WNT5A: variants seen among roughly 807,000 people sequenced by gnomAD.
WNT5A encodes protein Wnt-5a.
Under a neutral mutation model 42.1 loss-of-function variants are expected in WNT5A, and 9 were observed. The observed-to-expected ratio is 0.21, with a 90% CI of 0.13 to 0.37. The LOEUF (loss-of-function observed/expected upper bound fraction) is 0.37, where lower values mean the gene tolerates loss of function less well. Ranked by LOEUF, WNT5A falls within the 10% of genes least tolerant of loss-of-function variation. The pLI, the probability that WNT5A is intolerant of heterozygous loss-of-function variation, is 1.00. For missense variants in WNT5A, 426 were observed against 534.0 expected (o/e 0.80, Z 1.99); for synonymous variants, 210 against 210.0 (o/e 1.00, Z 0.00).
In WNT5A at chr3:55,486,334, C is replaced by T. The variant is rs562087883; in HGVS notation, c.6+646G>A. Among the ~76,000 whole-genome samples, 73 of 152,286 alleles carry T rather than the reference C, an allele frequency of 4.8e-4. 1 individual carries two copies. The South Asian group carries it at 0.015, about 31-fold the overall frequency. On this transcript the variant is annotated intron_variant, in intron 1 of 4. Coordinates refer to ENST00000264634, the MANE Select transcript of WNT5A (RefSeq NM_003392.7). ...GTGGCGGCTAATAATGCTAATAACG[C>T]GACCCCGCTCCCCGCGCCGGGGTGC...
At chr3:55,499,670 G>T in the WNT5A span, among the ~76,000 whole-genome samples, 3 of 152,110 alleles carry the variant, frequency 2.0e-5, no homozygotes, top group Non-Finnish European at 4.4e-5. Context: ...GATGCCCTAT[G>T]CCCATTAGAA....
the WNT5A span, among the ~76,000 whole-genome samples, chr3:55,495,595 C>T: frequency 6.6e-6 from 1 of 152,110 alleles, no homozygotes; most frequent in Non-Finnish European, 1.5e-5. Flanking sequence ...TTGATGAACA[C>T]TTAAGTTGAT....
chr3:55,498,483 C>G, the WNT5A span, among the ~76,000 whole-genome samples: 2 of 152,036 alleles, frequency 1.3e-5, no homozygotes, highest in Non-Finnish European at 2.9e-5. Context: ...GTGGGAGACA[C>G]GAGGCATAGA....
the WNT5A span, among the ~76,000 whole-genome samples, chr3:55,504,656 G>A: frequency 6.6e-6 from 1 of 152,094 alleles, no homozygotes; most frequent in African/African-American, 2.4e-5. Flanking sequence ...TAGAGACGGG[G>A]TTTCTCCATG....
chr3:55,501,945 G>A, the WNT5A span, among the ~76,000 whole-genome samples: 251 of 152,296 alleles, frequency 1.6e-3, 1 homozygote, highest in African/African-American at 5.7e-3. Context: ...TTGGGGCAAG[G>A]TGAGGTTTTG....
intron 4 of WNT5A, among the ~76,000 whole-genome samples, chr3:55,472,195 A>C (rs1575396140): frequency 2.0e-5 from 3 of 151,988 alleles, no homozygotes; most frequent in Admixed American, 2.0e-4. Context: ...CCCCAAAAAA[A>C]CTCGCTACTA....
At chr3:55,472,055 AT>A (rs2051261664) in intron 4 of WNT5A, among the ~76,000 whole-genome samples, 1 of 152,146 alleles carries the variant, frequency 6.6e-6, no homozygotes, top group Non-Finnish European at 1.5e-5. Context: ...AAATTCTAAT[AT>A]GATTTTCTGG....
At chr3:55,484,407 G>C (rs1474776801) in intron 1 of WNT5A, among the ~76,000 whole-genome samples, 1 of 152,184 alleles carries the variant, frequency 6.6e-6, no homozygotes, top group Non-Finnish European at 1.5e-5. Context: ...TACTCCCTAA[G>C]CCTCACGCCT....
chr3:55,501,590 A>C, the WNT5A span: 1 of 152,196 alleles, frequency 6.6e-6, no homozygotes, highest in Non-Finnish European at 1.5e-5. Context: ...CTGGAATCCA[A>C]TTACTCACCT....
chr3:55,493,664 C>T (rs2051685771), upstream of WNT5A, among the ~76,000 whole-genome samples: 1 of 152,228 alleles, frequency 6.6e-6, no homozygotes, highest in African/African-American at 2.4e-5. Flanking sequence ...AATGATCTTA[C>T]CTGTGGCCAT....
At chr3:55,472,306 C>T (rs1240616918) in intron 4 of WNT5A, among the ~76,000 whole-genome samples, 1 of 152,182 alleles carries the variant, frequency 6.6e-6, no homozygotes, top group Non-Finnish European at 1.5e-5. Context: ...GTTGCCAAGC[C>T]TCTGATGATT....
rs550598019 is a variant in WNT5A at position 55,468,826 on chromosome 3, T to C, written c.*1266A>G. On this transcript the variant is annotated 3_prime_UTR_variant, in exon 5 of 5. Coordinates refer to ENST00000264634, the MANE Select transcript of WNT5A (RefSeq NM_003392.7). ...TCTAAACACAGGATCATAACAGTGA[T>C]ACGCTGCAACACCTCTGTGAATTCC... The C allele has an allele frequency of 5.2e-5, 8 of 152,658 alleles. No individual in the cohort carries two copies. Among genetic ancestry groups the C allele is most frequent in the Admixed American group, 1.3e-4 (2 of 15,302 alleles). 9.5% of individuals were successfully genotyped at this position (152,658 alleles called of 1,614,324 possible).
intron 1 of WNT5A, among the ~76,000 whole-genome samples, chr3:55,481,898 C>T (rs1284742395): frequency 1.3e-5 from 2 of 152,210 alleles, no homozygotes; most frequent in African/African-American, 4.8e-5. Flanking sequence ...TTTCACTCTC[C>T]CTCCCACCCC....
the WNT5A span, among the ~76,000 whole-genome samples, chr3:55,499,605 G>T: frequency 6.6e-6 from 1 of 152,108 alleles, no homozygotes; most frequent in Non-Finnish European, 1.5e-5. Flanking sequence ...ATCCATTAGC[G>T]GTTGACTTTA....
intron 1 of WNT5A, among the ~76,000 whole-genome samples, chr3:55,482,004 C>T (rs73075444): frequency 1.3e-5 from 2 of 152,366 alleles, no homozygotes; most frequent in Non-Finnish European, 2.9e-5. Flanking sequence ...ACTTTGCCAT[C>T]GCGGCACTGC....
rs374082538 is a variant in WNT5A, at chr3:55,480,817, G to A, written c.108C>T (p.Phe36=). The A allele has an allele frequency of 8.9e-6, 14 of 1,574,978 alleles. No individual in the cohort carries two copies. The highest frequency in any genetic ancestry group is 5.4e-5 in the African/African-American group (4 of 73,984). The change falls in exon 2 of 5, where the codon TTC becomes TTT. Residue 36 remains phenylalanine, a synonymous_variant. Coordinates refer to ENST00000264634, the MANE Select transcript of WNT5A (RefSeq NM_003392.7). ...AATTGGCTTCAATTACAACCTGGGC[G>A]AAGGAGAAAAATATGGCCAAAGCCA... The part of the protein sequence containing the change: ...FLVALAIFFS[F]AQVVIEANSW...
At chr3:55,490,832 C>T (rs2051650496), upstream of WNT5A, among the ~76,000 whole-genome samples, 1 of 152,192 alleles carries the variant, frequency 6.6e-6, no homozygotes, top group African/African-American at 2.4e-5. Context: ...GGGTATTTCC[C>T]CAGACCTCAC....
At chr3:55,504,248 G>A in the WNT5A span, among the ~76,000 whole-genome samples, 1 of 151,876 alleles carries the variant, frequency 6.6e-6, no homozygotes, top group African/African-American at 2.4e-5. Context: ...CAGCCTGAGC[G>A]ACAGGGTGAG....
Position 55,470,460 on chromosome 3 carries a change from A to G in WNT5A, c.775T>C (p.Phe259Leu), listed in dbSNP as rs1269552696. 6.2e-7 allele frequency: 1 copy of G among 1,610,242 alleles called. No individual in the cohort carries two copies. The highest frequency in any genetic ancestry group is 1.1e-5 in the South Asian group (1 of 90,296). ...LKTCWLQLAD[F>L]RKVGDALKEK... Reference sequence around the variant, plus strand: ...TTCAGGGCATCACCCACCTTGCGGAAGTCTGCCAGCTGCAGCCAGCATGTC... The same window carrying G: ...TTCAGGGCATCACCCACCTTGCGGAGGTCTGCCAGCTGCAGCCAGCATGTC... The change falls in exon 5 of 5, where the codon TTC becomes CTC. Residue 259 changes from phenylalanine (F) to leucine (L), a missense_variant. Around this residue, in one of 3 missense-constraint regions of WNT5A, gnomAD observed 358 missense variants for 468.1 expected, o/e 0.76. Coordinates refer to ENST00000264634, the MANE Select transcript of WNT5A (RefSeq NM_003392.7).
Sources: gnomAD v4.1 joint callset for allele counts (sites outside exome capture counted in the v4.1 genomes callset) on GRCh38, gnomAD v4.1.1 for gene constraint, gnomAD v4.1.1 regional missense constraint, MANE v1.5 for transcripts, NCBI Gene and HGNC (gene_info 2026-07-23, HGNC 2026-07-21) for gene names.